The following ELMO1 variants were observed in gnomAD, a reference collection of about 807,000 sequenced individuals.
The protein encoded by ELMO1 is engulfment and cell motility protein 1.
Under a neutral mutation model 98.9 loss-of-function variants are expected in ELMO1, and 26 were observed. That is an observed-to-expected ratio of 0.26 (90% confidence interval 0.19 to 0.36). ELMO1 has a LOEUF of 0.36. Ranked by LOEUF, ELMO1 falls within the 10% of genes least tolerant of loss-of-function variation. The pLI is 1.00. For synonymous variants in ELMO1, 346 were observed against 346.0 expected (o/e 1.00, Z 0.00); for missense variants, 627 against 935.2 (o/e 0.67, Z 4.30).
At chr7:37,212,243 T>TA (rs1391215401) in intron 12 of ELMO1, among the ~76,000 whole-genome samples, 1 of 152,104 alleles carries the variant, frequency 6.6e-6, no homozygotes, top group African/African-American at 2.4e-5. Flanking sequence ...AATGGGGAGT[T>TA]AGTGTTTAAT....
At chr7:37,267,030 TGTATATATACACACAC>T (rs1462970916) in intron 5 of ELMO1, among the ~76,000 whole-genome samples, 7 of 20,954 alleles carry the variant, frequency 3.3e-4, no homozygotes, top group Admixed American at 5.7e-4. Flanking sequence ...AAAAAAAATA[TGTATATATACACACAC>T]ACACACACAC....
chr7:36,920,392 T>C (rs1380220327), intron 16 of ELMO1, among the ~76,000 whole-genome samples: 1 of 152,166 alleles, frequency 6.6e-6, no homozygotes, highest in African/African-American at 2.4e-5. Context: ...AGTCCAAACA[T>C]ATAGTTTATG....
chr7:37,409,389 C>CT (rs1424625703), intron 1 of ELMO1, among the ~76,000 whole-genome samples: 1 of 152,214 alleles, frequency 6.6e-6, no homozygotes, highest in Non-Finnish European at 1.5e-5. Context: ...GTGTAACAAA[C>CT]TATCTCCAGA....
rs188184714 is a variant in ELMO1 at position 36,929,777 on chromosome 7, C to T, written c.1438-34760G>A. ...GTCTATGATGGTCAAATCTATTGTA[C>T]TGGCTTTCAAATGCACTTGAAAACC... is the stretch of plus-strand genomic sequence containing the variant. On this transcript the variant is annotated intron_variant, in intron 16 of 21. Coordinates refer to ENST00000310758, the MANE Select transcript of ELMO1 (RefSeq NM_014800.11). Among the ~76,000 whole-genome samples, 4 of 152,308 alleles carry T rather than the reference C, an allele frequency of 2.6e-5. No homozygotes were observed. The East Asian group carries it at 5.8e-4, about 22-fold the overall frequency.
intron 15 of ELMO1, among the ~76,000 whole-genome samples, chr7:37,030,940 A>C (rs1199812163): frequency 1.3e-5 from 2 of 152,206 alleles, no homozygotes; most frequent in Non-Finnish European, 2.9e-5. Context: ...GCCACCTCAA[A>C]GTCAAAATTG....
intron 4 of ELMO1, among the ~76,000 whole-genome samples, chr7:37,278,510 T>TCAAAA (rs950066201): frequency 7.9e-5 from 12 of 151,474 alleles, no homozygotes; most frequent in East Asian, 1.9e-4. Context: ...CCCTGTCTCT[T>TCAAAA]CAAAACAAAA....
rs149731318 is a variant in ELMO1 at position 37,214,321 on chromosome 7, C to T, written c.832-864G>A. On this transcript the variant is annotated intron_variant, in intron 11 of 21. Transcript: ENST00000310758. Reference sequence around the variant, plus strand: ...TTCAACTGTGCTAGCCCCACTCATGCCATGTTATCTGAAAGACCAATTCTC... The same window carrying T: ...TTCAACTGTGCTAGCCCCACTCATGTCATGTTATCTGAAAGACCAATTCTC... 1.6e-3 allele frequency among the ~76,000 whole-genome samples: 246 copies of T among 152,312 alleles called. 1 individual carries two copies. The highest frequency in any genetic ancestry group is 5.6e-3 in the African/African-American group (232 of 41,568).
At chr7:37,180,070 C>T (rs1790748389) in intron 13 of ELMO1, among the ~76,000 whole-genome samples, 1 of 152,136 alleles carries the variant, frequency 6.6e-6, no homozygotes, top group South Asian at 2.1e-4. Context: ...TGATTTTTAA[C>T]CCAAAGGGCT....
At chr7:37,127,869 G>A (rs1786638092) in intron 14 of ELMO1, among the ~76,000 whole-genome samples, 1 of 152,072 alleles carries the variant, frequency 6.6e-6, no homozygotes, top group Non-Finnish European at 1.5e-5. Flanking sequence ...TTTTTCAGTA[G>A]TTCCCAGTGA....
chr7:37,435,906 G>A (rs115112872), intron 1 of ELMO1, among the ~76,000 whole-genome samples: 3,008 of 152,242 alleles, frequency 0.02, 84 homozygotes, highest in African/African-American at 0.069. Context: ...CAAATCATTC[G>A]CCATCCTTCA....
intron 1 of ELMO1, among the ~76,000 whole-genome samples, chr7:37,388,030 C>T (rs1263016296): frequency 6.6e-6 from 1 of 151,980 alleles, no homozygotes; most frequent in Non-Finnish European, 1.5e-5. Context: ...GATGGGATCT[C>T]CCTATGTTGC....
chr7:37,440,471 A>G (rs1583769550), intron 1 of ELMO1, among the ~76,000 whole-genome samples: 2 of 149,074 alleles, frequency 1.3e-5, no homozygotes, highest in African/African-American at 2.5e-5. Context: ...GAAAAGAAAA[A>G]GAAAGAAAAA....
intron 11 of ELMO1, among the ~76,000 whole-genome samples, chr7:37,215,677 G>C (rs140990520): frequency 3.0e-4 from 46 of 152,312 alleles, no homozygotes; most frequent in Middle Eastern, 3.4e-3. Flanking sequence ...AGCTTACCTG[G>C]CCTCACATAT....
chr7:36,862,006 A>G (rs1802675355), intron 20 of ELMO1: 1 of 453,940 alleles, frequency 2.2e-6, no homozygotes, highest in Non-Finnish European at 4.1e-6. Flanking sequence ...TGGGGCTTAG[A>G]GAGGCTCAAT....
At chr7:37,075,147 ATT>A (rs113966386) in intron 15 of ELMO1, among the ~76,000 whole-genome samples, 19 of 140,068 alleles carry the variant, frequency 1.4e-4, no homozygotes, top group East Asian at 2.1e-4. Context: ...TTCATTTGGA[ATT>A]TTTTTTTTTT....
intron 13 of ELMO1, among the ~76,000 whole-genome samples, chr7:37,164,347 T>C (rs1789475114): frequency 2.0e-5 from 3 of 152,214 alleles, no homozygotes; most frequent in Middle Eastern, 6.8e-3. Flanking sequence ...TTTAATTAGA[T>C]CCCATTTGTC....
chr7:37,018,218 C>T (rs550428711), intron 15 of ELMO1, among the ~76,000 whole-genome samples: 1 of 152,050 alleles, frequency 6.6e-6, no homozygotes, highest in African/African-American at 2.4e-5. Context: ...CCTCCGCCTC[C>T]TGGGTTCAAG....
intron 15 of ELMO1, among the ~76,000 whole-genome samples, chr7:37,028,717 G>A (rs1794718238): frequency 6.6e-6 from 1 of 152,084 alleles, no homozygotes; most frequent in Admixed American, 6.6e-5. Flanking sequence ...CAAGTACCTA[G>A]GACTATAAGC....
chr7:36,913,459 T>C (rs113647957), intron 16 of ELMO1, among the ~76,000 whole-genome samples: 148 of 152,342 alleles, frequency 9.7e-4, no homozygotes, highest in Middle Eastern at 3.4e-3. Flanking sequence ...ATAGCAAAAG[T>C]GAGTTGAGTT....
Sources: gnomAD v4.1 joint callset for allele counts (sites outside exome capture counted in the v4.1 genomes callset) on GRCh38, gnomAD v4.1.1 for gene constraint, MANE v1.5 for transcripts, NCBI Gene and HGNC (gene_info 2026-07-23, HGNC 2026-07-21) for gene names.